The following ASIC2 variants were observed in gnomAD, a reference collection of about 807,000 sequenced individuals.
ASIC2 encodes the protein acid-sensing ion channel 2.
In ASIC2, 25 loss-of-function variants were observed where a neutral mutation model predicts 57.3. The ratio of observed to expected loss-of-function variants is 0.44; its 90% CI spans 0.32 to 0.61. The LOEUF (loss-of-function observed/expected upper bound fraction) is 0.61, where lower values mean the gene tolerates loss of function less well. ASIC2 is among the 20% of genes least tolerant of loss of function. ASIC2 has a pLI of 0.06. For missense variants in ASIC2, 641 were observed against 738.1 expected (o/e 0.87, Z 1.52); for synonymous variants, 319 against 307.5 (o/e 1.04, Z -0.39).
Position 33,227,986 on chromosome 17 carries a change from G to C in ASIC2, c.708+63422C>G, listed in dbSNP as rs2142104152. 2.0e-5 allele frequency among the ~76,000 whole-genome samples: 3 copies of C among 152,264 alleles called. No homozygotes were observed. The South Asian group carries it at 6.2e-4, about 32-fold the overall frequency. On this transcript the variant is annotated intron_variant, in intron 1 of 9. Coordinates refer to ENST00000225823, the MANE Select transcript of ASIC2 (RefSeq NM_183377.2). ...GAGAGATGAGAGAGGAGAGATGAGAGAGTATGGGGTCCAGCAGATAGGTAG... is the reference window on the plus strand; with the variant it reads ...GAGAGATGAGAGAGGAGAGATGAGACAGTATGGGGTCCAGCAGATAGGTAG...
intron 1 of ASIC2, among the ~76,000 whole-genome samples, chr17:33,777,423 G>A (rs1043591130): frequency 5.9e-5 from 9 of 152,200 alleles, no homozygotes; most frequent in African/African-American, 1.9e-4. Context: ...GTGTGAAGTT[G>A]CAGGGACTTC....
chr17:34,097,561 C>T (rs1910592029), intron 1 of ASIC2, among the ~76,000 whole-genome samples: 1 of 152,060 alleles, frequency 6.6e-6, no homozygotes, highest in Non-Finnish European at 1.5e-5. Flanking sequence ...TTCAATAGGG[C>T]TGATGTTCTT....
intron 3 of ASIC2, among the ~76,000 whole-genome samples, chr17:33,087,102 A>G (rs569965644): frequency 4.1e-4 from 63 of 152,218 alleles, no homozygotes; most frequent in Non-Finnish European, 7.6e-4. Context: ...TTTACTTTTG[A>G]CAGTACTGAG....
At chr17:33,918,898 G>A (rs1915647767) in intron 1 of ASIC2, among the ~76,000 whole-genome samples, 2 of 152,166 alleles carry the variant, frequency 1.3e-5, no homozygotes, top group African/African-American at 4.8e-5. Context: ...TTCCCAAAGG[G>A]TCTCAGGACA....
At chr17:33,685,370 C>T (rs1297921041) in intron 1 of ASIC2, among the ~76,000 whole-genome samples, 1 of 152,112 alleles carries the variant, frequency 6.6e-6, no homozygotes. Flanking sequence ...CATGTGTGGC[C>T]CTCAACAGCC....
At chr17:34,084,348 T>C (rs1340520426) in intron 1 of ASIC2, among the ~76,000 whole-genome samples, 1 of 152,256 alleles carries the variant, frequency 6.6e-6, no homozygotes, top group Admixed American at 6.5e-5. Context: ...AAAGATGAGA[T>C]AGTTGTAGAT....
At chr17:33,553,374 A>C (rs1258962145) in intron 1 of ASIC2, among the ~76,000 whole-genome samples, 1 of 108,530 alleles carries the variant, frequency 9.2e-6, no homozygotes, top group Non-Finnish European at 1.8e-5. Context: ...CCAAGACAAC[A>C]GGTGTCACAA....
intron 1 of ASIC2, among the ~76,000 whole-genome samples, chr17:33,997,276 G>T (rs1906191005): frequency 6.6e-6 from 1 of 150,596 alleles, no homozygotes; most frequent in Non-Finnish European, 1.5e-5. Flanking sequence ...AAATAGCTGG[G>T]ACTACAGGCA....
intron 1 of ASIC2, among the ~76,000 whole-genome samples, chr17:33,614,700 TG>T (rs1258712447): frequency 1.3e-5 from 2 of 152,250 alleles, no homozygotes; most frequent in Non-Finnish European, 2.9e-5. Flanking sequence ...TGCCATCCAG[TG>T]TCACACACTG....
chr17:33,205,790 C>A (rs1042948679), intron 1 of ASIC2, among the ~76,000 whole-genome samples: 15 of 152,188 alleles, frequency 9.9e-5, no homozygotes, highest in South Asian at 2.1e-4. Context: ...AGGGCTGGGA[C>A]TGCGCTGGCT....
chr17:33,530,698 C>G (rs150621409), intron 1 of ASIC2, among the ~76,000 whole-genome samples: 61 of 152,324 alleles, frequency 4.0e-4, no homozygotes, highest in Middle Eastern at 3.4e-3. Context: ...TGATAAACAG[C>G]TCATAGTCCT....
intron 1 of ASIC2, among the ~76,000 whole-genome samples, chr17:33,930,372 T>C (rs571916945): frequency 1.3e-5 from 2 of 152,240 alleles, no homozygotes; most frequent in Non-Finnish European, 2.9e-5. Flanking sequence ...GAAATTCACC[T>C]GTAGCTTGTT....
chr17:33,830,510 G>A (rs1212954682), intron 1 of ASIC2, among the ~76,000 whole-genome samples: 1 of 151,126 alleles, frequency 6.6e-6, no homozygotes, highest in African/African-American at 2.4e-5. Context: ...ATTTTCTTAT[G>A]GCGTCTCCCT....
intron 1 of ASIC2, among the ~76,000 whole-genome samples, chr17:33,541,895 A>C (rs1915423134): frequency 6.6e-6 from 1 of 152,108 alleles, no homozygotes. Context: ...ACTGGACAAG[A>C]GTTTGGGAGC....
intron 1 of ASIC2, among the ~76,000 whole-genome samples, chr17:33,557,506 A>G (rs1331162290): frequency 6.6e-6 from 1 of 152,232 alleles, no homozygotes; most frequent in Non-Finnish European, 1.5e-5. Flanking sequence ...GAATAATAGG[A>G]TAATTGCAAG....
chr17:33,796,518 C>T (rs1375434185), intron 1 of ASIC2, among the ~76,000 whole-genome samples: 1 of 152,090 alleles, frequency 6.6e-6, no homozygotes, highest in African/African-American at 2.4e-5. Context: ...ACTGATATTA[C>T]AAAGGAAATG....
intron 1 of ASIC2, among the ~76,000 whole-genome samples, chr17:33,746,552 T>G (rs1910276010): frequency 6.6e-6 from 1 of 151,760 alleles, no homozygotes; most frequent in Admixed American, 6.6e-5. Flanking sequence ...CTCATATACC[T>G]AATGACAGAG....
intron 1 of ASIC2, among the ~76,000 whole-genome samples, chr17:33,322,538 C>T (rs1906910273): frequency 6.6e-6 from 1 of 152,188 alleles, no homozygotes; most frequent in African/African-American, 2.4e-5. Flanking sequence ...CTTCAATAAA[C>T]TTAACAACCA....
chr17:33,902,041 A>G (rs1915242057), intron 1 of ASIC2, among the ~76,000 whole-genome samples: 1 of 152,122 alleles, frequency 6.6e-6, no homozygotes, highest in South Asian at 2.1e-4. Flanking sequence ...TCTTGTACCT[A>G]GACATCTGGC....
Sources: gnomAD v4.1 joint callset for allele counts (sites outside exome capture counted in the v4.1 genomes callset) on GRCh38, gnomAD v4.1.1 for gene constraint, MANE v1.5 for transcripts, NCBI Gene and HGNC (gene_info 2026-07-23, HGNC 2026-07-21) for gene names.